HLA-DMB: variants seen among roughly 807,000 people sequenced by gnomAD.
The protein encoded by HLA-DMB is major histocompatibility complex, class II, DM beta.
A neutral mutation model predicts 29.3 loss-of-function variants in HLA-DMB; 18 were observed. The ratio of observed to expected loss-of-function variants is 0.62; its 90% CI spans 0.43 to 0.91. HLA-DMB has a LOEUF of 0.91. HLA-DMB is among the 40% of genes least tolerant of loss of function. The pLI is 0.00. For missense variants in HLA-DMB, 258 were observed against 320.9 expected, an observed-to-expected ratio of 0.80 and a Z score of 1.50; for synonymous variants, 143 against 128.7, an observed-to-expected ratio of 1.11 and a Z score of -0.75.
intron 2 of HLA-DMB, 151 bp downstream of exon 2, chr6:32,938,533 G>T: frequency 3.8e-6 from 3 of 785,024 alleles, no homozygotes; most frequent in Non-Finnish European, 5.5e-6. Context: ...TCCCCTTGAG[G>T]TTCAATCCTC....
rs1776077881 is a variant in HLA-DMB at position 32,937,473 on chromosome 6, A to G, written c.338-17T>C. 2 of 1,603,318 alleles carry G rather than the reference A, an allele frequency of 1.2e-6. No homozygotes were observed. The highest frequency in any genetic ancestry group is 4.5e-5 in the East Asian group (2 of 44,634). On this transcript the variant is annotated splice_polypyrimidine_tract_variant and intron_variant, in intron 2 of 5. Transcript: ENST00000418107. This position sits in a 1 kb window ranked among gnomAD's most constrained non-coding sequence, Gnocchi z 4.1. Reference sequence around the variant, plus strand: ...ATGGTGGCCCTGCATAGGAGAAAAAAACATGTTTAGGAAGGAGGGTGACAT... The same window carrying G: ...ATGGTGGCCCTGCATAGGAGAAAAAGACATGTTTAGGAAGGAGGGTGACAT...
At chr6:32,935,955 AC>A (rs754646541) in intron 3 of HLA-DMB, 5 of 420,426 alleles carry the variant, frequency 1.2e-5, no homozygotes, top group African/African-American at 1.0e-4. Context: ...CCCCAAAGCC[AC>A]CCTTATCAGG....
At position 32,937,208 on chromosome 6, in the gene HLA-DMB, G is replaced by T; in HGVS notation, c.586C>A (p.His196Asn). 1 of 1,608,550 alleles carries T rather than the reference G, an allele frequency of 6.2e-7. No homozygotes were observed. Among genetic ancestry groups the T allele is most frequent in the Non-Finnish European group, 8.5e-7 (1 of 1,175,754 alleles). Reference protein sequence around the residue: ...YGDTYTCVVEHTGAPEPILRD... With the variant: ...YGDTYTCVVENTGAPEPILRD... ...AGGATGGGCTCAGGAGCCCCAGTGT[G>T]CTCTACCACACAGGTGTAAGTGTCC... Residue 196 changes from histidine to asparagine, a missense_variant, in exon 3 of 6, where the codon CAC becomes AAC. Coordinates refer to ENST00000418107, the MANE Select transcript of HLA-DMB (RefSeq NM_002118.5). This position sits in a 1 kb window ranked among gnomAD's most constrained non-coding sequence, Gnocchi z 4.1.
Position 32,937,717 on chromosome 6 carries a change from C to G in HLA-DMB, c.338-261G>C. 1.9e-6 allele frequency: 1 copy of G among 532,284 alleles called. No homozygotes were observed. The highest frequency in any genetic ancestry group is 3.3e-6 in the Non-Finnish European group (1 of 301,188). The allele number at this position is 532,284 out of a possible 1,614,324, so 33.0% of individuals were successfully genotyped here. ...TGATTACAATTAGTAAAAGCCAGAT[C>G]TGAACTGCAAGCTGTTCTAGAAGTT... On this transcript the variant is annotated intron_variant, in intron 2 of 5. Transcript: ENST00000418107. This position sits in a 1 kb window ranked among gnomAD's most constrained non-coding sequence, Gnocchi z 4.1.
chr6:32,935,235 G>C, intron 5 of HLA-DMB, 107 bp downstream of exon 5: 1 of 981,338 alleles, frequency 1.0e-6, no homozygotes, highest in Admixed American at 1.8e-5. Context: ...GATCCTCATG[G>C]AAGCTCACCC....
intron 3 of HLA-DMB, chr6:32,935,918 C>T: frequency 2.0e-6 from 1 of 496,904 alleles, no homozygotes; most frequent in Non-Finnish European, 3.6e-6. Flanking sequence ...AGTGGGGCCT[C>T]TCAAGGCATC....
intron 1 of HLA-DMB, 140 bp from the exon 2 acceptor site, chr6:32,939,105 G>T: frequency 1.9e-6 from 1 of 532,744 alleles, no homozygotes; most frequent in Non-Finnish European, 2.8e-6. Context: ...TCTGCACAGA[G>T]CTTTGTCTTT....
rs987644503 is a variant in HLA-DMB, at chr6:32,940,060, C to A, written c.55+693G>T. ...GGTATGAGTAAAAAAAAAAAAAAAA[C>A]CTCACACAGTTGGTCAAAGAAGTGT... is the stretch of plus-strand genomic sequence containing the variant. On this transcript the variant is annotated intron_variant, in intron 1 of 5. Transcript: ENST00000418107. 4.1e-4 allele frequency among the ~76,000 whole-genome samples: 59 copies of A among 145,600 alleles called. 1 individual carries two copies. The highest frequency in any genetic ancestry group is 2.7e-4 in the Non-Finnish European group (18 of 66,552).
intron 2 of HLA-DMB, 82 bp downstream of exon 2, chr6:32,938,602 C>A (rs776910689): frequency 2.3e-6 from 3 of 1,320,938 alleles, no homozygotes; most frequent in African/African-American, 1.5e-5. Flanking sequence ...AATCTCAAAC[C>A]CCTGGGCCAC....
chr6:32,939,609 G>A (rs1033102408), intron 1 of HLA-DMB, among the ~76,000 whole-genome samples: 1 of 152,046 alleles, frequency 6.6e-6, no homozygotes, highest in East Asian at 1.9e-4. Flanking sequence ...ATTTCAAATC[G>A]CTAGAAGAAG....
chr6:32,938,299 G>A (rs909013960), intron 2 of HLA-DMB: 2 of 208,532 alleles, frequency 9.6e-6, no homozygotes, highest in South Asian at 1.8e-4. Context: ...AGAGTTTAAG[G>A]GTGAGAAAAA....
At chr6:32,936,959 A>T in intron 3 of HLA-DMB, 1 of 409,836 alleles carries the variant, frequency 2.4e-6, no homozygotes, top group Non-Finnish European at 4.3e-6. Flanking sequence ...TTTGCCACTG[A>T]AAGTAATGGC....
rs116811650 is a variant in HLA-DMB, at chr6:32,939,124, T to C, written c.56-159A>G. 7.8e-3 allele frequency among the ~76,000 whole-genome samples: 1,189 copies of C among 152,318 alleles called. 14 individuals are homozygous for C. Among genetic ancestry groups the C allele is most frequent in the South Asian group, 0.018 (86 of 4,828 alleles). ...CACAGAGCTTTGTCTTTGACCCTGG[T>C]TCCTGACATAGAGTGCCTAATCGCT... On this transcript the variant is annotated intron_variant, in intron 1 of 5. Coordinates refer to ENST00000418107, the MANE Select transcript of HLA-DMB (RefSeq NM_002118.5).
At chr6:32,935,483 G>A in intron 4 of HLA-DMB, 53 bp downstream of exon 4, 1 of 1,537,756 alleles carries the variant, frequency 6.5e-7, no homozygotes, top group Non-Finnish European at 9.0e-7. Flanking sequence ...CAAACAGAAA[G>A]TAAGCAGAGA....
chr6:32,937,322 G>A lies in HLA-DMB; in HGVS notation c.472C>T (p.Pro158Ser). The A allele has an allele frequency of 1.2e-6, 2 of 1,614,188 alleles. No individual in the cohort carries two copies. Among genetic ancestry groups the A allele is most frequent in the South Asian group, 2.2e-5 (2 of 91,080 alleles). ...TWRKNGKLVM[P>S]HSSAHKTAQP... ...GCAGTCTTGTGCGCACTGCTGTGAGGCATGACAAGCTTCCCGTTCTTCCTC... is the reference window on the plus strand; with the variant it reads ...GCAGTCTTGTGCGCACTGCTGTGAGACATGACAAGCTTCCCGTTCTTCCTC... Residue 158 changes from proline (P) to serine (S), a missense_variant, in exon 3 of 6, where the codon CCT becomes TCT. Pro to Ser is a moderately conservative substitution (Grantham distance 74). Coordinates refer to ENST00000418107, the MANE Select transcript of HLA-DMB (RefSeq NM_002118.5). The surrounding 1 kb of genome is among the most constrained non-coding windows in gnomAD (Gnocchi z 4.1).
At chr6:32,939,309 T>C (rs188603599) in intron 1 of HLA-DMB, among the ~76,000 whole-genome samples, 307 of 152,302 alleles carry the variant, frequency 2.0e-3, no homozygotes, top group African/African-American at 7.1e-3. Flanking sequence ...GGGCTGGAGA[T>C]TGAGTTAATA....
At chr6:32,936,884 G>A (rs171329) in intron 3 of HLA-DMB, 157,772 of 308,344 alleles carry the variant, frequency 0.51, 41,732 homozygotes, top group Middle Eastern at 0.58. Flanking sequence ...AGCAACATCA[G>A]CCACACCACC....
At position 32,934,885 on chromosome 6, in the gene HLA-DMB, G is replaced by A. The variant is rs1456085786; in HGVS notation, c.*86C>T. On this transcript the variant is annotated 3_prime_UTR_variant, in exon 6 of 6. Transcript: ENST00000418107. Reference sequence around the variant, plus strand: ...ACCATAGGATCCAAGATAATGTCAGGGGGTTGAAGATGTTGGAGAGGCATG... The same window carrying A: ...ACCATAGGATCCAAGATAATGTCAGAGGGTTGAAGATGTTGGAGAGGCATG... 2.4e-6 allele frequency: 3 copies of A among 1,257,942 alleles called. No homozygotes were observed. The highest frequency in any genetic ancestry group is 3.5e-6 in the Non-Finnish European group (3 of 858,486). The allele number at this position is 1,257,942 out of a possible 1,614,324, so 77.9% of individuals were successfully genotyped here.
chr6:32,935,292 C>T (rs1477775812), intron 5 of HLA-DMB, 50 bp downstream of exon 5: 15 of 1,478,888 alleles, frequency 1.0e-5, no homozygotes, highest in Admixed American at 5.0e-5. Context: ...CCCTCTAACC[C>T]GCACCCCTAC....
Sources: allele counts gnomAD v4.1 joint callset (sites outside exome capture counted in the v4.1 genomes callset), GRCh38; gene constraint gnomAD v4.1.1; non-coding constraint Gnocchi (gnomAD v3.1); transcripts MANE v1.5; gene names NCBI Gene and HGNC (gene_info 2026-07-23, HGNC 2026-07-21).